PDCD11: variants seen among roughly 807,000 people sequenced by gnomAD.
PDCD11 encodes the protein protein RRP5 homolog.
In PDCD11, 97 loss-of-function variants were observed where a neutral mutation model predicts 198.9. The observed-to-expected ratio is 0.49, with a 90% CI of 0.41 to 0.58. The LOEUF is 0.58. Among genes scored for constraint, PDCD11 ranks in the 20% least tolerant of loss-of-function variants. The pLI is 0.00. For missense variants in PDCD11, 2,102 were observed against 2,312.7 expected (o/e 0.91, Z 1.87); for synonymous variants, 893 against 918.0 (o/e 0.97, Z 0.49).
chr10:103,425,402 G>T lies in PDCD11; in HGVS notation c.3182G>T (p.Gly1061Val). 6.2e-7 allele frequency: 1 copy of T among 1,614,114 alleles called. No homozygotes were observed. Among genetic ancestry groups the T allele is most frequent in the Non-Finnish European group, 8.5e-7 (1 of 1,180,034 alleles). The change falls in exon 20 of 36, where the codon GGC (glycine) becomes GTC (valine). Residue 1061 changes from glycine (G) to valine (V), a missense_variant. Gly to Val is a moderately radical substitution (Grantham distance 109, BLOSUM62 -3). Coordinates refer to ENST00000369797, the MANE Select transcript of PDCD11 (RefSeq NM_014976.2). ...VVVTLEDGIIGCIHASHILDD... is the reference protein window; with the variant it reads ...VVVTLEDGIIVCIHASHILDD... ...GTGACTCTGGAAGATGGCATTATTG[G>T]CTGTATCCATGCCTCCCACATTCTA...
Position 103,443,983 on chromosome 10 carries a change from C to T in PDCD11, c.5193C>T (p.Tyr1731=), listed in dbSNP as rs777443590. Residue 1731 remains tyrosine, a synonymous_variant, in exon 34 of 36, where the codon TAC becomes TAT. Transcript: ENST00000369797. ...AGGAGAAAGCTGTGTGGATCAAATACGGCGCCTTCCTTCTGCGGAGGAGCC... is the reference window on the plus strand; with the variant it reads ...AGGAGAAAGCTGTGTGGATCAAATATGGCGCCTTCCTTCTGCGGAGGAGCC... ...FRQEKAVWIK[Y]GAFLLRRSQA... 15 of 1,613,746 alleles carry T rather than the reference C, an allele frequency of 9.3e-6. No homozygotes were observed. The highest frequency in any genetic ancestry group is 4.0e-5 in the African/African-American group (3 of 74,956).
intron 30 of PDCD11, 34 bp from the exon 31 acceptor site, chr10:103,441,792 A>G: frequency 6.2e-7 from 1 of 1,603,484 alleles, no homozygotes; most frequent in Non-Finnish European, 8.5e-7. Context: ...AGCCTGAGCC[A>G]GGTGCTTTCT....
chr10:103,423,937 G>A (rs1457928651), intron 19 of PDCD11, among the ~76,000 whole-genome samples: 1 of 152,170 alleles, frequency 6.6e-6, no homozygotes, highest in Non-Finnish European at 1.5e-5. Flanking sequence ...GGGAGTGGCT[G>A]GCCTGGGACT....
chr10:103,444,474 G>A, intron 34 of PDCD11, 43 bp from the exon 35 acceptor site: 4 of 1,583,646 alleles, frequency 2.5e-6, no homozygotes, highest in Non-Finnish European at 2.6e-6. Flanking sequence ...GTGGTGAGGG[G>A]GCTGTCTGCT....
intron 16 of PDCD11, among the ~76,000 whole-genome samples, chr10:103,421,023 A>C (rs1194124963): frequency 3.3e-5 from 5 of 151,908 alleles, no homozygotes; most frequent in Non-Finnish European, 7.4e-5. Context: ...TTGCAGGTGC[A>C]TGCCACCACT....
In PDCD11 at chr10:103,442,453, T is replaced by G; in HGVS notation, c.4948T>G (p.Ser1650Ala). 1 of 1,613,218 alleles carries G rather than the reference T, an allele frequency of 6.2e-7. No homozygotes were observed. Among genetic ancestry groups the G allele is most frequent in the Non-Finnish European group, 8.5e-7 (1 of 1,179,612 alleles). Residue 1650 changes from serine (S) to alanine (A), a missense_variant, in exon 32 of 36, where the codon TCC becomes GCC. Transcript: ENST00000369797. ...GGCTGAGAGGGCCCTTAAGACCATC[T>G]CCTTCAGGTCTCAGCTTTGCCCCAG... ...AVAERALKTI[S>A]FREEQEKLNV...
chr10:103,427,031 C>T (rs1254791508), intron 20 of PDCD11, among the ~76,000 whole-genome samples: 1 of 152,056 alleles, frequency 6.6e-6, no homozygotes, highest in East Asian at 1.9e-4. Context: ...ATTGCTTGAG[C>T]CCAGGAGATT....
At chr10:103,415,257 G>A (rs2031041332) in intron 12 of PDCD11, 106 bp downstream of exon 12, 1 of 1,124,254 alleles carries the variant, frequency 8.9e-7, no homozygotes, top group Non-Finnish European at 1.3e-6. Flanking sequence ...AATGTCTGTA[G>A]TGTGTCTTGT....
At chr10:103,424,834 A>G in intron 19 of PDCD11, 150 bp from the exon 20 acceptor site, 1 of 746,532 alleles carries the variant, frequency 1.3e-6, no homozygotes. Context: ...CAGGGAGTGA[A>G]GGCTAGTCTG....
Position 103,442,328 on chromosome 10 carries a change from T to C in PDCD11, c.4823T>C (p.Phe1608Ser). 6.2e-7 allele frequency: 1 copy of C among 1,614,196 alleles called. No individual in the cohort carries two copies. The highest frequency in any genetic ancestry group is 8.5e-7 in the Non-Finnish European group (1 of 1,180,034). ...CGGCAGCCAGAGTCCGCGGATGATT[T>C]TGACCGACTGGTGCTGAGCTCCCCC... ...PGRQPESADD[F>S]DRLVLSSPNS... is the part of the protein sequence containing the mutation. Residue 1608 changes from phenylalanine (F) to serine (S), a missense_variant, in exon 32 of 36, where the codon TTT (phenylalanine) becomes TCT (serine). By Grantham distance (155) the Phe-to-Ser change is radical. Coordinates refer to ENST00000369797, the MANE Select transcript of PDCD11 (RefSeq NM_014976.2).
chr10:103,440,967 AG>A (rs2133752034), intron 30 of PDCD11, 117 bp downstream of exon 30: 1 of 706,046 alleles, frequency 1.4e-6, no homozygotes, highest in Non-Finnish European at 2.4e-6. Context: ...AGGGGCTGTC[AG>A]TTGCCTCCAT....
intron 5 of PDCD11, chr10:103,405,409 C>CAT: frequency 3.4e-6 from 1 of 291,204 alleles, no homozygotes; most frequent in East Asian, 7.4e-5. Context: ...GTCCAAATTT[C>CAT]TTTTTTTTTT....
At position 103,422,815 on chromosome 10, in the gene PDCD11, T is replaced by C. The variant is rs1423347238; in HGVS notation, c.2498-173T>C. On this transcript the variant is annotated intron_variant, in intron 17 of 35. Coordinates refer to ENST00000369797, the MANE Select transcript of PDCD11 (RefSeq NM_014976.2). ...TATTAGCAAGGGGCTTAGGTCTGTC[T>C]GCTTGTGACAAGAGTTTTCATGGAT... 2.0e-5 allele frequency among the ~76,000 whole-genome samples: 3 copies of C among 152,208 alleles called. No homozygotes were observed. In the East Asian group the frequency reaches 5.8e-4, roughly 29 times the overall value.
In PDCD11 at chr10:103,416,712, T is replaced by C. The variant is rs2133702176; in HGVS notation, c.1740T>C (p.Pro580=). 1 of 1,614,050 alleles carries C rather than the reference T, an allele frequency of 6.2e-7. No individual in the cohort carries two copies. The highest frequency in any genetic ancestry group is 2.2e-5 in the East Asian group (1 of 44,886). ...PKHELSTEYI[P]DPERVFYTGQ... is the part of the protein sequence containing the mutation. Reference sequence around the variant, plus strand: ...ATGAGCTCAGTACTGAGTATATCCCTGACCCGGAGAGAGTTTTTTACACTG... The same window carrying C: ...ATGAGCTCAGTACTGAGTATATCCCCGACCCGGAGAGAGTTTTTTACACTG... Residue 580 remains proline, a synonymous_variant, in exon 13 of 36, where the codon CCT becomes CCC. Coordinates refer to ENST00000369797, the MANE Select transcript of PDCD11 (RefSeq NM_014976.2).
At chr10:103,430,439 CCT>C (rs1390322123) in intron 21 of PDCD11, among the ~76,000 whole-genome samples, 1 of 152,184 alleles carries the variant, frequency 6.6e-6, no homozygotes, top group Admixed American at 6.5e-5. Context: ...TGTGCAAATA[CCT>C]CTTTGTGATC....
intron 33 of PDCD11, 59 bp downstream of exon 33, chr10:103,443,392 G>A (rs1417316904): frequency 2.7e-6 from 4 of 1,494,352 alleles, no homozygotes; most frequent in East Asian, 4.6e-5. Context: ...TCTCAGAGAA[G>A]AGCCCCTGGG....
At chr10:103,414,613 T>A (rs986329868) in intron 11 of PDCD11, among the ~76,000 whole-genome samples, 2 of 152,236 alleles carry the variant, frequency 1.3e-5, no homozygotes, top group South Asian at 2.1e-4. Context: ...AAGTTAGTCC[T>A]GTGATTATTG....
At chr10:103,419,994 T>G (rs2031337416) in intron 16 of PDCD11, among the ~76,000 whole-genome samples, 1 of 149,802 alleles carries the variant, frequency 6.7e-6, no homozygotes, top group Non-Finnish European at 1.5e-5. Context: ...GACAGAGTTT[T>G]ACCATGTTGG....
At chr10:103,433,369 C>T (rs1038211614) in intron 22 of PDCD11, among the ~76,000 whole-genome samples, 10 of 152,036 alleles carry the variant, frequency 6.6e-5, no homozygotes, top group Non-Finnish European at 1.0e-4. Context: ...GGGGCGTGCG[C>T]GCCTGTAATC....
Sources: allele counts gnomAD v4.1 joint callset (sites outside exome capture counted in the v4.1 genomes callset), GRCh38; gene constraint gnomAD v4.1.1; transcripts MANE v1.5; gene names NCBI Gene and HGNC (gene_info 2026-07-23, HGNC 2026-07-21).